Variants in C4orf51 observed in about 807,000 individuals in gnomAD.
C4orf51 encodes uncharacterized protein C4orf51.
Under a neutral mutation model 25.2 loss-of-function variants are expected in C4orf51, and 25 were observed. That is an observed-to-expected ratio of 0.99 (90% CI 0.72 to 1.39). C4orf51 has a LOEUF of 1.39. Among genes scored for constraint, C4orf51 ranks in the 40% most tolerant of loss-of-function variants. The probability of loss-of-function intolerance (pLI) is 0.00; values close to 1 mark genes in which losing one functional copy is unlikely to be tolerated. For missense variants in C4orf51, 252 were observed against 239.6 expected (o/e 1.05, Z -0.34); for synonymous variants, 100 against 84.5 (o/e 1.18, Z -1.01).
intron 1 of C4orf51, among the ~76,000 whole-genome samples, chr4:145,769,879 T>C (rs1222693334): frequency 1.3e-5 from 2 of 152,038 alleles, no homozygotes; most frequent in Non-Finnish European, 2.9e-5. Context: ...ATTGAAACCA[T>C]AAAAAAAATT....
At chr4:145,770,616 C>T (rs914023392) in intron 1 of C4orf51, among the ~76,000 whole-genome samples, 2 of 151,854 alleles carry the variant, frequency 1.3e-5, no homozygotes, top group South Asian at 4.1e-4. Flanking sequence ...ATAATGATAA[C>T]TAATACTTTG....
At position 145,701,473 on chromosome 4, in the gene C4orf51, T is replaced by C. The variant is rs189848030; in HGVS notation, c.307+4841T>C. ...GCGGGGACCCCACTGGAAATTGGAC[T>C]GTTCAACTCACCTGGCAGCCACTCC... On this transcript the variant is annotated intron_variant, in intron 2 of 5. Transcript: ENST00000438731. 3.5e-3 allele frequency among the ~76,000 whole-genome samples: 534 copies of C among 152,000 alleles called. 1 individual carries two copies. Among genetic ancestry groups the C allele is most frequent in the African/African-American group, 0.013 (523 of 41,372 alleles).
chr4:145,696,506 T>TAA, intron 1 of C4orf51, 53 bp from the exon 2 acceptor site: 10 of 1,391,584 alleles, frequency 7.2e-6, no homozygotes, highest in Non-Finnish European at 1.0e-5. Flanking sequence ...AGGCTTCATG[T>TAA]GATTTATAAA....
At chr4:145,772,235 T>C (rs370921853), downstream of C4orf51, among the ~76,000 whole-genome samples, 50 of 152,362 alleles carry the variant, frequency 3.3e-4, 1 homozygote, top group South Asian at 9.7e-3. Context: ...CCACTTGTAC[T>C]GTGTAGGGCC....
At chr4:145,730,782 C>T (rs1732414249) in intron 5 of C4orf51, among the ~76,000 whole-genome samples, 1 of 151,740 alleles carries the variant, frequency 6.6e-6, no homozygotes, top group African/African-American at 2.4e-5. Flanking sequence ...ACCAGTTATA[C>T]ATACATTTCA....
chr4:145,761,739 CCT>C lies in C4orf51; in HGVS notation n.167-9245_167-9244del. 2.2e-6 allele frequency: 1 copy of C among 459,730 alleles called. No homozygotes were observed. The highest frequency in any genetic ancestry group is 3.6e-6 in the Non-Finnish European group (1 of 275,002). The allele number at this position is 459,730 out of a possible 1,614,324, so 28.5% of individuals were successfully genotyped here. On this transcript the variant is annotated intron_variant and non_coding_transcript_variant, in intron 1 of 1. Coordinates refer to the C4orf51 transcript ENST00000510096. The surrounding 1 kb of genome is among the most constrained non-coding windows in gnomAD (Gnocchi z 6.8). ...TGCCCAGCCCAGCCCAGCCCTGCCG[CCT>C]CTCAGGGGTGGAACGGCCCTTTTTG...
intron 2 of C4orf51, among the ~76,000 whole-genome samples, chr4:145,725,006 AAC>A (rs749125667): frequency 2.6e-5 from 4 of 151,846 alleles, no homozygotes; most frequent in Non-Finnish European, 5.9e-5. Flanking sequence ...GTATAAGAAT[AAC>A]ACAATAGACT....
At position 145,706,763 on chromosome 4, in the gene C4orf51, C is replaced by T. The variant is rs1208516348; in HGVS notation, c.307+10131C>T. ...TCATGCCATTCTTCTGCCTCAGCCT[C>T]CCCAGTAGCTGGGACTACAAGGTTC... On this transcript the variant is annotated intron_variant, in intron 2 of 5. Coordinates refer to ENST00000438731, the MANE Select transcript of C4orf51 (RefSeq NM_001080531.3). Among the ~76,000 whole-genome samples, 3 of 151,912 alleles carry T rather than the reference C, an allele frequency of 2.0e-5. No homozygotes were observed. The East Asian group carries it at 5.8e-4, about 29-fold the overall frequency.
At chr4:145,687,031 G>A (rs1371945266) in intron 1 of C4orf51, among the ~76,000 whole-genome samples, 3 of 151,044 alleles carry the variant, frequency 2.0e-5, no homozygotes, top group African/African-American at 7.3e-5. Flanking sequence ...CTACCCCTTT[G>A]AAAGAAAAAT....
intron 2 of C4orf51, among the ~76,000 whole-genome samples, chr4:145,710,636 A>G (rs1560838414): frequency 6.6e-6 from 1 of 152,150 alleles, no homozygotes; most frequent in Non-Finnish European, 1.5e-5. Context: ...ATCTCCTGAA[A>G]TCTTATCAGG....
In C4orf51 at chr4:145,685,148, G is replaced by A. The variant is rs565206847; in HGVS notation, c.233+4712G>A. Among the ~76,000 whole-genome samples the A allele has an allele frequency of 5.9e-5, 9 of 152,230 alleles. No homozygotes were observed. In the South Asian group the frequency reaches 1.7e-3, roughly 28 times the overall value. ...CTATCAACCACAGAATATACATTCT[G>A]TGGTTGACCATTGTGTCAAGTTCTA... On this transcript the variant is annotated intron_variant, in intron 1 of 5. Coordinates refer to ENST00000438731, the MANE Select transcript of C4orf51 (RefSeq NM_001080531.3).
At chr4:145,792,189 C>T in the C4orf51 span, among the ~76,000 whole-genome samples, 8 of 152,048 alleles carry the variant, frequency 5.3e-5, no homozygotes, top group African/African-American at 9.7e-5. Flanking sequence ...ATTTCATGGC[C>T]TCAGATCAAA....
chr4:145,747,108 T>C (rs1208901197), intron 1 of C4orf51, among the ~76,000 whole-genome samples: 1 of 152,112 alleles, frequency 6.6e-6, no homozygotes, highest in Admixed American at 6.5e-5. Context: ...TGGTGGAGTC[T>C]AGGTTTTTTA....
rs1053052106 is a variant in C4orf51 at position 145,696,466 on chromosome 4, A to G, written c.234-93A>G. The G allele has an allele frequency of 5.6e-6, 6 of 1,065,936 alleles. No individual in the cohort carries two copies. In the African/African-American group the frequency reaches 9.5e-5, roughly 17 times the overall value. 66.0% of individuals were successfully genotyped at this position (1,065,936 alleles called of 1,614,324 possible). A position where few individuals can be genotyped will look rare whatever the true frequency, so the allele number is the denominator to read the frequency against. On this transcript the variant is annotated intron_variant, in intron 1 of 5. Transcript: ENST00000438731. Reference sequence around the variant, plus strand: ...CAAACCTAAAATGAAAGTTTTAAAAAAAGATGAATGGAAATCCCTGTAAGT... The same window carrying G: ...CAAACCTAAAATGAAAGTTTTAAAAGAAGATGAATGGAAATCCCTGTAAGT...
chr4:145,697,812 T>C (rs999875040), intron 2 of C4orf51, among the ~76,000 whole-genome samples: 4 of 152,256 alleles, frequency 2.6e-5, no homozygotes, highest in Admixed American at 2.6e-4. Context: ...AATGCTGTAA[T>C]GAACATGGGA....
intron 2 of C4orf51, among the ~76,000 whole-genome samples, chr4:145,705,491 A>G (rs529174125): frequency 1.3e-5 from 2 of 152,162 alleles, no homozygotes; most frequent in African/African-American, 2.4e-5. Flanking sequence ...CCAGTACCCC[A>G]ATTCTTTGGG....
intron 2 of C4orf51, among the ~76,000 whole-genome samples, chr4:145,705,337 A>G (rs1407169658): frequency 1.3e-5 from 2 of 152,170 alleles, no homozygotes; most frequent in Admixed American, 6.5e-5. Flanking sequence ...TATTTTAAAG[A>G]GACAGTTAGC....
At chr4:145,780,599 G>GT in the C4orf51 span, among the ~76,000 whole-genome samples, 1 of 152,048 alleles carries the variant, frequency 6.6e-6, no homozygotes, top group Non-Finnish European at 1.5e-5. Flanking sequence ...TCTAATCCAT[G>GT]TTTCTTTTTG....
chr4:145,747,808 A>C (rs1329228982), intron 1 of C4orf51, among the ~76,000 whole-genome samples: 21 of 107,432 alleles, frequency 2.0e-4, no homozygotes, highest in East Asian at 5.3e-4. Flanking sequence ...CTTCCTTGCC[A>C]CCCTCCCTCC....
Sources: allele counts gnomAD v4.1 joint callset (sites outside exome capture counted in the v4.1 genomes callset), GRCh38; gene constraint gnomAD v4.1.1; non-coding constraint Gnocchi (gnomAD v3.1); transcripts MANE v1.5; gene names NCBI Gene and HGNC (gene_info 2026-07-23, HGNC 2026-07-21).